Variants in WWOX observed in about 807,000 individuals in gnomAD.
WWOX encodes the protein WW domain containing oxidoreductase.
A neutral mutation model predicts 46.2 loss-of-function variants in WWOX; 69 were observed. The ratio of observed to expected loss-of-function variants is 1.49; its 90% CI spans 1.23 to 1.82. The LOEUF (loss-of-function observed/expected upper bound fraction) is 1.82, where lower values mean the gene tolerates loss of function less well. Among genes scored for constraint, WWOX ranks in the 40% most tolerant of loss-of-function variants. The pLI, the probability that WWOX is intolerant of heterozygous loss-of-function variation, is 0.00. For synonymous variants in WWOX, 359 were observed against 202.6 expected, an observed-to-expected ratio of 1.77 and a Z score of -6.56; for missense variants, 919 against 542.6, an observed-to-expected ratio of 1.69 and a Z score of -6.89.
intron 8 of WWOX, among the ~76,000 whole-genome samples, chr16:78,724,887 T>C (rs948591410): frequency 1.3e-5 from 2 of 152,194 alleles, no homozygotes; most frequent in Admixed American, 1.3e-4. Context: ...TGCTTTGTTT[T>C]TCCTTGCATC....
chr16:78,293,841 T>C (rs1459647380), intron 5 of WWOX, among the ~76,000 whole-genome samples: 1 of 151,868 alleles, frequency 6.6e-6, no homozygotes, highest in Non-Finnish European at 1.5e-5. Flanking sequence ...CCAGGTGTGT[T>C]GTCACGTGAC....
intron 8 of WWOX, chr16:78,825,902 A>G (rs1362291839): frequency 2.8e-6 from 2 of 704,676 alleles, no homozygotes; most frequent in Non-Finnish European, 5.0e-6. Flanking sequence ...CCACGTGAGC[A>G]TCATGGAACC....
At chr16:78,437,420 A>G (rs1295192111) in intron 8 of WWOX, among the ~76,000 whole-genome samples, 2 of 152,188 alleles carry the variant, frequency 1.3e-5, no homozygotes, top group African/African-American at 2.4e-5. Flanking sequence ...ACAGTTACAC[A>G]TTTCTAATTG....
At chr16:79,052,163 A>G (rs1231084362) in intron 8 of WWOX, among the ~76,000 whole-genome samples, 3 of 151,750 alleles carry the variant, frequency 2.0e-5, no homozygotes, top group South Asian at 2.1e-4. Context: ...AGCATTAGGT[A>G]TATCTCCCAA....
chr16:78,959,228 C>T (rs1277508308), intron 8 of WWOX, among the ~76,000 whole-genome samples: 1 of 152,120 alleles, frequency 6.6e-6, no homozygotes, highest in Non-Finnish European at 1.5e-5. Flanking sequence ...AATTATGTTC[C>T]TGGAATAATA....
chr16:78,693,022 C>G (rs2048025841), intron 8 of WWOX, among the ~76,000 whole-genome samples: 1 of 152,202 alleles, frequency 6.6e-6, no homozygotes, highest in Admixed American at 6.5e-5. Flanking sequence ...AAAGCCCAAC[C>G]ATATGGACAT....
intron 8 of WWOX, among the ~76,000 whole-genome samples, chr16:79,107,936 G>A (rs1188565482): frequency 3.9e-5 from 6 of 152,178 alleles, no homozygotes; most frequent in South Asian, 4.1e-4. Flanking sequence ...TGGTGAAGTC[G>A]TCATAGAATA....
chr16:78,650,776 CT>C (rs1472683219), intron 8 of WWOX, among the ~76,000 whole-genome samples: 4 of 152,178 alleles, frequency 2.6e-5, no homozygotes, highest in African/African-American at 7.2e-5. Context: ...ATGTCTCCCC[CT>C]GTCCCACAAA....
intron 5 of WWOX, among the ~76,000 whole-genome samples, chr16:78,352,069 A>G (rs1403773903): frequency 6.6e-6 from 1 of 152,142 alleles, no homozygotes; most frequent in African/African-American, 2.4e-5. Context: ...AGTGGTGGAG[A>G]TGGTGGCGCA....
intron 5 of WWOX, among the ~76,000 whole-genome samples, chr16:78,173,683 A>G (rs954254860): frequency 1.3e-5 from 2 of 152,144 alleles, no homozygotes; most frequent in African/African-American, 4.8e-5. Context: ...GATTCAGTAA[A>G]TGGTCGTTGC....
At chr16:78,902,651 A>C (rs1459326486) in intron 8 of WWOX, among the ~76,000 whole-genome samples, 1 of 152,178 alleles carries the variant, frequency 6.6e-6, no homozygotes, top group Non-Finnish European at 1.5e-5. Flanking sequence ...TGGGTAAACC[A>C]TTAGGCCGGC....
intron 4 of WWOX, among the ~76,000 whole-genome samples, chr16:78,156,326 A>G (rs1384148502): frequency 2.6e-5 from 4 of 152,218 alleles, no homozygotes; most frequent in Admixed American, 6.5e-5. Flanking sequence ...AAAATTTGAT[A>G]GAAAAACGGC....
intron 8 of WWOX, among the ~76,000 whole-genome samples, chr16:78,465,909 C>A (rs1452991840): frequency 6.6e-6 from 1 of 152,144 alleles, no homozygotes; most frequent in Admixed American, 6.5e-5. Context: ...ATAGGATATT[C>A]CATTTATATA....
chr16:78,551,756 T>C (rs2044178854), intron 8 of WWOX: 1 of 151,462 alleles, frequency 6.6e-6, no homozygotes, highest in Non-Finnish European at 1.5e-5. Flanking sequence ...TTTGTCTTCC[T>C]CCATCAGCTT....
intron 6 of WWOX, among the ~76,000 whole-genome samples, chr16:78,423,843 CAA>C (rs5818135): frequency 3.3e-4 from 26 of 79,966 alleles, no homozygotes; most frequent in African/African-American, 8.7e-4. Flanking sequence ...AAGATCTTGT[CAA>C]AAAAAAAAAA....
chr16:79,143,816 A>C (rs1306934959), intron 8 of WWOX, among the ~76,000 whole-genome samples: 1 of 152,184 alleles, frequency 6.6e-6, no homozygotes, highest in Non-Finnish European at 1.5e-5. Context: ...TAGGAGTTTT[A>C]GCCAATATTC....
At chr16:78,735,831 A>T (rs2049078797) in intron 8 of WWOX, among the ~76,000 whole-genome samples, 1 of 152,174 alleles carries the variant, frequency 6.6e-6, no homozygotes. Flanking sequence ...GAATCAGGGG[A>T]TGCTCCACAC....
At chr16:79,070,438 T>C (rs1360943966) in intron 8 of WWOX, among the ~76,000 whole-genome samples, 1 of 152,148 alleles carries the variant, frequency 6.6e-6, no homozygotes, top group Non-Finnish European at 1.5e-5. Context: ...CCAGATGCCC[T>C]TTTTCTTGAT....
At chr16:78,650,376 GC>G (rs1463872857) in intron 8 of WWOX, among the ~76,000 whole-genome samples, 3 of 152,130 alleles carry the variant, frequency 2.0e-5, no homozygotes, top group Non-Finnish European at 4.4e-5. Flanking sequence ...TGGAGACACT[GC>G]CCCTGTTTCA....
Sources: allele counts gnomAD v4.1 joint callset (sites outside exome capture counted in the v4.1 genomes callset), GRCh38; gene constraint gnomAD v4.1.1; transcripts MANE v1.5; gene names NCBI Gene and HGNC (gene_info 2026-07-23, HGNC 2026-07-21).